NTRK3: variants seen among roughly 807,000 people sequenced by gnomAD.
The protein encoded by NTRK3 is neurotrophic receptor tyrosine kinase 3.
A neutral mutation model predicts 91.7 loss-of-function variants in NTRK3; 24 were observed. That is an observed-to-expected ratio of 0.26 (90% CI 0.19 to 0.37). NTRK3 has a LOEUF of 0.37. Among genes scored for constraint, NTRK3 ranks in the 10% least tolerant of loss-of-function variants. NTRK3 has a pLI of 1.00. For synonymous variants in NTRK3, 483 were observed against 404.0 expected (o/e 1.20, Z -2.34); for missense variants, 880 against 1,068.9 (o/e 0.82, Z 2.46).
In NTRK3 at chr15:88,235,634, C is replaced by A. The variant is rs566878723; in HGVS notation, c.248+20272G>T. Among the ~76,000 whole-genome samples, 6 of 152,202 alleles carry A rather than the reference C, an allele frequency of 3.9e-5. No individual in the cohort carries two copies. Among genetic ancestry groups the A allele is most frequent in the Non-Finnish European group, 8.8e-5 (6 of 68,024 alleles). The stretch of plus-strand genomic sequence containing the variant: ...CAGCCCTGCTAAAGAGCACCAAATG[C>A]CCACCAGGCCCTGGCTTCCACAGTG... On this transcript the variant is annotated intron_variant, in intron 3 of 18. Coordinates refer to ENST00000394480, the Ensembl canonical transcript of NTRK3. This position sits in a 1 kb window ranked among gnomAD's most constrained non-coding sequence, Gnocchi z 5.2.
intron 13 of NTRK3, among the ~76,000 whole-genome samples, chr15:88,047,464 G>A (rs778560048): frequency 5.9e-5 from 9 of 152,110 alleles, no homozygotes; most frequent in African/African-American, 9.7e-5. Flanking sequence ...ATCTGAAAAT[G>A]TATAAATGCA....
At chr15:87,916,084 CA>C (rs954891698) in intron 17 of NTRK3, among the ~76,000 whole-genome samples, 14 of 152,198 alleles carry the variant, frequency 9.2e-5, no homozygotes, top group African/African-American at 3.4e-4. Flanking sequence ...TGTATTGACC[CA>C]GTCTTCTGAT....
chr15:88,023,534 T>G (rs2077763264), intron 14 of NTRK3, among the ~76,000 whole-genome samples: 1 of 152,212 alleles, frequency 6.6e-6, no homozygotes, highest in South Asian at 2.1e-4. Flanking sequence ...TTTCCATTAT[T>G]AACCAAGAGT....
At chr15:88,131,828 T>TA (rs1487120154) in intron 10 of NTRK3, 9 of 181,394 alleles carry the variant, frequency 5.0e-5, no homozygotes, top group African/African-American at 2.1e-4. Context: ...GACTCCTCTC[T>TA]AACCTGTGGG....
At chr15:88,247,888 G>T (rs1013726659) in intron 3 of NTRK3, among the ~76,000 whole-genome samples, 1 of 152,172 alleles carries the variant, frequency 6.6e-6, no homozygotes, top group Non-Finnish European at 1.5e-5. Flanking sequence ...GCTTATTGTG[G>T]AGAGGACCAG....
intron 17 of NTRK3, among the ~76,000 whole-genome samples, chr15:87,903,992 A>G (rs2066602298): frequency 6.6e-6 from 1 of 152,112 alleles, no homozygotes; most frequent in Non-Finnish European, 1.5e-5. Flanking sequence ...AGCTTGTCTT[A>G]TGCTCTCCTT....
chr15:88,178,543 G>C (rs1273892598), intron 5 of NTRK3, among the ~76,000 whole-genome samples: 1 of 152,188 alleles, frequency 6.6e-6, no homozygotes, highest in Non-Finnish European at 1.5e-5. Context: ...GTGCACGTTT[G>C]CTTCCAAAAG....
In NTRK3 at chr15:87,890,570, T is replaced by TACACACAC. The variant is rs58806302; in HGVS notation, c.2134-10150_2134-10143dup. Among the ~76,000 whole-genome samples, 260 of 147,826 alleles carry TACACACAC rather than the reference T, an allele frequency of 1.8e-3. 3 individuals carry two copies. The highest frequency in any genetic ancestry group is 5.9e-3 in the African/African-American group (234 of 39,884). ...GAAAGCATTACCAATGCTTGTTCTT[T>TACACACAC]ACACACACACACACACACACACACA... On this transcript the variant is annotated intron_variant, in intron 17 of 18. Transcript: ENST00000394480.
chr15:88,022,698 G>T lies in NTRK3; in HGVS notation c.1585+10159C>A, dbSNP rs199531083. Among the ~76,000 whole-genome samples the T allele has an allele frequency of 2.0e-4, 31 of 152,064 alleles. 1 individual carries two copies. In the East Asian group the frequency reaches 5.8e-3, roughly 28 times the overall value. ...CTTCCCCTGGGCTCCCATCCCACCG[G>T]GAAATGACATTACTCCAAGCTGGCT... On this transcript the variant is annotated intron_variant, in intron 14 of 18. Coordinates refer to ENST00000394480, the Ensembl canonical transcript of NTRK3.
intron 14 of NTRK3, among the ~76,000 whole-genome samples, chr15:88,018,543 G>A (rs1032940216): frequency 6.6e-6 from 1 of 152,048 alleles, no homozygotes; most frequent in Non-Finnish European, 1.5e-5. Context: ...TGTAAAGTGG[G>A]GAACACTACA....
chr15:87,936,579 G>C (rs1389553655), intron 15 of NTRK3, among the ~76,000 whole-genome samples: 2 of 148,412 alleles, frequency 1.3e-5, no homozygotes. Context: ...TTCAAAGAAT[G>C]TTCAGTTTCA....
At chr15:88,137,587 G>A (rs753712362) in intron 6 of NTRK3, 26 bp from the exon 7 acceptor site, 5 of 1,610,468 alleles carry the variant, frequency 3.1e-6, no homozygotes, top group Middle Eastern at 1.7e-4. Flanking sequence ...GAGGGGAAGG[G>A]AACCTCTGAA....
exon 2 of NTRK3, chr15:88,256,341 C>T: frequency 3.7e-6 from 2 of 541,992 alleles, no homozygotes; most frequent in Admixed American, 2.9e-5. Flanking sequence ...CCATCGCGGA[C>T]GCCGCCGCCG....
intron 17 of NTRK3, among the ~76,000 whole-genome samples, chr15:87,904,753 T>C (rs1306945965): frequency 6.6e-6 from 1 of 152,220 alleles, no homozygotes; most frequent in African/African-American, 2.4e-5. Flanking sequence ...TCCTTGTCAG[T>C]TTGAAATATA....
At position 88,152,395 on chromosome 15, in the gene NTRK3, G is replaced by A. The variant is rs1044277003; in HGVS notation, c.396-4992C>T. Among the ~76,000 whole-genome samples, 6 of 152,182 alleles carry A rather than the reference G, an allele frequency of 3.9e-5. No homozygotes were observed. In the East Asian group the frequency reaches 5.8e-4, roughly 15 times the overall value. ...TTTTTAAAGACCTAATTAAAGTTAA[G>A]TAAGGACATATGGGTGGTCCTTAAT... On this transcript the variant is annotated intron_variant, in intron 5 of 18. Transcript: ENST00000394480.
At chr15:88,120,107 G>A (rs1054812421) in intron 13 of NTRK3, among the ~76,000 whole-genome samples, 1 of 152,102 alleles carries the variant, frequency 6.6e-6, no homozygotes, top group Non-Finnish European at 1.5e-5. Flanking sequence ...AATGCCCCAA[G>A]GTTAGGAGAG....
chr15:88,032,387 G>A (rs998251900), intron 14 of NTRK3, among the ~76,000 whole-genome samples: 2 of 152,126 alleles, frequency 1.3e-5, no homozygotes, highest in South Asian at 2.1e-4. Flanking sequence ...TGCACACTTC[G>A]GGGCACTGGA....
intron 14 of NTRK3, among the ~76,000 whole-genome samples, chr15:88,006,696 C>T (rs1401355477): frequency 4.6e-5 from 7 of 152,202 alleles, no homozygotes; most frequent in Non-Finnish European, 1.0e-4. Flanking sequence ...ACATCCGTAG[C>T]TTGAACACTG....
chr15:87,910,213 A>G (rs2067004769), intron 17 of NTRK3, among the ~76,000 whole-genome samples: 1 of 152,184 alleles, frequency 6.6e-6, no homozygotes, highest in African/African-American at 2.4e-5. Context: ...GGGATGAGGA[A>G]GTTCGAGGAG....
Sources: allele counts gnomAD v4.1 joint callset (sites outside exome capture counted in the v4.1 genomes callset), GRCh38; gene constraint gnomAD v4.1.1; non-coding constraint Gnocchi (gnomAD v3.1); transcripts MANE v1.5; gene names NCBI Gene and HGNC (gene_info 2026-07-23, HGNC 2026-07-21).